The following PLEKHA6 variants were observed in gnomAD, a reference collection of about 807,000 sequenced individuals.
PLEKHA6 encodes the protein pleckstrin homology domain-containing family A member 6.
In PLEKHA6, 60 loss-of-function variants were observed where a neutral mutation model predicts 116.7. That is an observed-to-expected ratio of 0.51 (90% CI 0.42 to 0.64). The LOEUF is 0.64. Ranked by LOEUF, PLEKHA6 falls within the 30% of genes least tolerant of loss-of-function variation. The pLI is 0.00. For missense variants in PLEKHA6, 1,338 were observed against 1,422.7 expected, an observed-to-expected ratio of 0.94 and a Z score of 0.96; for synonymous variants, 489 against 556.1, an observed-to-expected ratio of 0.88 and a Z score of 1.70.
chr1:204,314,855 A>T (rs1037564669), intron 1 of PLEKHA6, among the ~76,000 whole-genome samples: 1 of 152,176 alleles, frequency 6.6e-6, no homozygotes, highest in African/African-American at 2.4e-5. Context: ...AGGGAATAGT[A>T]CTCAGGGATG....
At chr1:204,246,130 C>G (rs1663634537) in intron 13 of PLEKHA6, among the ~76,000 whole-genome samples, 1 of 152,114 alleles carries the variant, frequency 6.6e-6, no homozygotes, top group South Asian at 2.1e-4. Flanking sequence ...TTTCTAATAC[C>G]CACTCCCAGC....
rs780649171 is a variant in PLEKHA6 at position 204,259,504 on chromosome 1, G to C, written c.761C>G (p.Pro254Arg). ...ACCCCCTGGCACTCTTGGGCCCTCG[G>C]GGTAAGGGCTGCCCGGCTCTGAGGC... ...EPASEPGSPY[P>R]EGPRVPGGGE... Residue 254 changes from proline to arginine, a missense_variant, in exon 8 of 23, where the codon CCC becomes CGC. By Grantham distance (103) the Pro-to-Arg change is moderately radical. This residue lies in a region of PLEKHA6 where 1,136 missense variants were observed against 1,163.6 expected (regional missense o/e 0.98). Coordinates refer to ENST00000272203, the MANE Select transcript of PLEKHA6 (RefSeq NM_014935.5). The surrounding 1 kb of genome is among the most constrained non-coding windows in gnomAD (Gnocchi z 4.6). The C allele has an allele frequency of 6.2e-7, 1 of 1,614,120 alleles. No homozygotes were observed. The highest frequency in any genetic ancestry group is 2.2e-5 in the East Asian group (1 of 44,874).
At chr1:204,254,229 G>C (rs1664968841) in intron 9 of PLEKHA6, among the ~76,000 whole-genome samples, 1 of 152,220 alleles carries the variant, frequency 6.6e-6, no homozygotes, top group Non-Finnish European at 1.5e-5. Context: ...GAATGCTCAT[G>C]GTGTGGACAC....
At chr1:204,356,657 T>C (rs1337517793) in intron 1 of PLEKHA6, among the ~76,000 whole-genome samples, 1 of 152,022 alleles carries the variant, frequency 6.6e-6, no homozygotes, top group African/African-American at 2.4e-5. Context: ...GTGACAATAA[T>C]ACACATCTGG....
chr1:204,376,324 G>A (rs567673782), intron 1 of PLEKHA6, among the ~76,000 whole-genome samples: 4 of 152,232 alleles, frequency 2.6e-5, no homozygotes, highest in Admixed American at 2.6e-4. Context: ...CCTGAGGTAG[G>A]GCTCAGGAAT....
chr1:204,249,276 GA>G lies in PLEKHA6; in HGVS notation c.1594-13del. ...TTTCCCAGCAGCTTCTAGGGACCCAGAGAGTGGAGAAGGAGAGGGAGAAAGA... is the reference window on the plus strand; with the variant it reads ...TTTCCCAGCAGCTTCTAGGGACCCAGGAGTGGAGAAGGAGAGGGAGAAAGA... On this transcript the variant is annotated splice_polypyrimidine_tract_variant and intron_variant, in intron 10 of 22. Transcript: ENST00000272203. 6.3e-7 allele frequency: 1 copy of G among 1,587,868 alleles called. No homozygotes were observed. The highest frequency in any genetic ancestry group is 8.7e-7 in the Non-Finnish European group (1 of 1,155,948).
rs1039436119 is a variant in PLEKHA6 at position 204,223,781 on chromosome 1, C to A, written c.3032-196G>T. Among the ~76,000 whole-genome samples, 1 of 151,010 alleles carries A rather than the reference C, an allele frequency of 6.6e-6. No homozygotes were observed. Among genetic ancestry groups the A allele is most frequent in the African/African-American group, 2.4e-5 (1 of 41,066 alleles). ...GGCGTCGTGGAGGAGAGTGTGAGGC[C>A]CCAGAGGAGACCTGGCCGAATCTAG... is the stretch of plus-strand genomic sequence containing the variant. On this transcript the variant is annotated intron_variant, in intron 21 of 22. Coordinates refer to ENST00000272203, the MANE Select transcript of PLEKHA6 (RefSeq NM_014935.5). This position sits in a 1 kb window ranked among gnomAD's most constrained non-coding sequence, Gnocchi z 4.8.
chr1:204,349,559 A>G (rs1182336915), intron 1 of PLEKHA6, among the ~76,000 whole-genome samples: 1 of 150,134 alleles, frequency 6.7e-6, no homozygotes, highest in Non-Finnish European at 1.5e-5. Flanking sequence ...AAAAAAAAAA[A>G]GAATCCTTGA....
At chr1:204,327,500 C>T (rs1039690097) in intron 1 of PLEKHA6, among the ~76,000 whole-genome samples, 4 of 152,262 alleles carry the variant, frequency 2.6e-5, no homozygotes. Flanking sequence ...CAGTCTCTGG[C>T]CCGCTGAGGC....
chr1:204,231,697 A>G (rs1322125786), intron 17 of PLEKHA6, among the ~76,000 whole-genome samples: 1 of 151,254 alleles, frequency 6.6e-6, no homozygotes, highest in Non-Finnish European at 1.5e-5. Flanking sequence ...CCTTCCAAGT[A>G]GCTGGGACTA....
intron 8 of PLEKHA6, among the ~76,000 whole-genome samples, chr1:204,258,256 G>A (rs1267795765): frequency 6.6e-6 from 1 of 152,152 alleles, no homozygotes; most frequent in African/African-American, 2.4e-5. Flanking sequence ...AGAAAGGGCG[G>A]CTTCCTGATC....
At chr1:204,246,140 C>A (rs1161169879) in intron 13 of PLEKHA6, among the ~76,000 whole-genome samples, 1 of 152,174 alleles carries the variant, frequency 6.6e-6, no homozygotes, top group East Asian at 1.9e-4. Flanking sequence ...CCACTCCCAG[C>A]GTACGCCTGA....
Position 204,247,546 on chromosome 1 carries a change from A to C in PLEKHA6, c.1825-86T>G, listed in dbSNP as rs1022037908. On this transcript the variant is annotated intron_variant, in intron 12 of 22. Transcript: ENST00000272203. ...CTGCAATGGACCCTGGGGCCAGGGT[A>C]CCAGAGGCACAAAGATCTGGGGAAG... The C allele has an allele frequency of 6.0e-6, 5 of 828,550 alleles. No individual in the cohort carries two copies. In the South Asian group the frequency reaches 7.2e-5, roughly 12 times the overall value. 51.3% of individuals were successfully genotyped at this position (828,550 alleles called of 1,614,324 possible). A position where few individuals can be genotyped will look rare whatever the true frequency, so the allele number is the denominator to read the frequency against.
At chr1:204,252,733 A>G (rs1479832553) in intron 9 of PLEKHA6, among the ~76,000 whole-genome samples, 2 of 152,162 alleles carry the variant, frequency 1.3e-5, no homozygotes, top group Non-Finnish European at 2.9e-5. Flanking sequence ...TTGCTTCTAC[A>G]TGTTGTAGGC....
At chr1:204,306,280 G>A (rs932258390) in intron 1 of PLEKHA6, among the ~76,000 whole-genome samples, 1 of 152,098 alleles carries the variant, frequency 6.6e-6, no homozygotes, top group Non-Finnish European at 1.5e-5. Context: ...TCAGATGGCA[G>A]CCAGGCCAGG....
chr1:204,313,442 T>C, intron 1 of PLEKHA6: 1 of 388,288 alleles, frequency 2.6e-6, no homozygotes, highest in Non-Finnish European at 3.5e-6. Flanking sequence ...TCATCTGGCC[T>C]CGGGGACTCC....
rs1668125747 is a variant in PLEKHA6 at position 204,277,379 on chromosome 1, T to C, written c.-94-2570A>G. Among the ~76,000 whole-genome samples, 1 of 152,114 alleles carries C rather than the reference T, an allele frequency of 6.6e-6. No individual in the cohort carries two copies. The highest frequency in any genetic ancestry group is 1.5e-5 in the Non-Finnish European group (1 of 68,014). The stretch of plus-strand genomic sequence containing the variant: ...GCACCCCAAGGAGAAAATGCTGAAA[T>C]GGAGAGACAGGCATACACGGAGCAG... On this transcript the variant is annotated intron_variant, in intron 1 of 22. Transcript: ENST00000272203. The surrounding 1 kb of genome is among the most constrained non-coding windows in gnomAD (Gnocchi z 4.1).
chr1:204,298,633 C>T (rs1369504587), intron 1 of PLEKHA6, among the ~76,000 whole-genome samples: 1 of 152,124 alleles, frequency 6.6e-6, no homozygotes, highest in Non-Finnish European at 1.5e-5. Context: ...GGCCAGACTC[C>T]CCTAGGCTTG....
chr1:204,302,362 T>C (rs1210643901), intron 1 of PLEKHA6, among the ~76,000 whole-genome samples: 1 of 152,232 alleles, frequency 6.6e-6, no homozygotes, highest in African/African-American at 2.4e-5. Context: ...GCATGTGTCA[T>C]GTTGCCCAGG....
Sources: allele counts gnomAD v4.1 joint callset (sites outside exome capture counted in the v4.1 genomes callset), GRCh38; gene constraint gnomAD v4.1.1; regional missense constraint gnomAD v4.1.1; non-coding constraint Gnocchi (gnomAD v3.1); transcripts MANE v1.5; gene names NCBI Gene and HGNC (gene_info 2026-07-23, HGNC 2026-07-21).